The following MYO1H variants were observed in gnomAD, a reference collection of about 807,000 sequenced individuals.
The protein encoded by MYO1H is myosin IH, also known as unconventional myosin-Ih.
Under a neutral mutation model 149.3 loss-of-function variants are expected in MYO1H, and 118 were observed. The ratio of observed to expected loss-of-function variants is 0.79; its 90% CI spans 0.68 to 0.92. The LOEUF (loss-of-function observed/expected upper bound fraction) is 0.92. MYO1H is among the 40% of genes least tolerant of loss of function. The pLI, the probability that MYO1H is intolerant of heterozygous loss-of-function variation, is 0.00. For missense variants in MYO1H, 1,212 were observed against 1,280.7 expected (o/e 0.95, Z 0.82); for synonymous variants, 447 against 465.2 (o/e 0.96, Z 0.50).
chr12:109,419,974 T>G (rs1320916379), intron 15 of MYO1H, among the ~76,000 whole-genome samples: 1 of 152,214 alleles, frequency 6.6e-6, no homozygotes, highest in Admixed American at 6.5e-5. Context: ...AAGCCAAGTT[T>G]TAAACCTGGA....
chr12:109,425,915 GTTCTCTCTCTCT>G lies in MYO1H; in HGVS notation c.1726-18_1726-7del, dbSNP rs748008852. ...GGAAGCAGCAGTATCTCTCTGGCTC[GTTCTCTCTCTCT>G]TTCTCTCTCTCTCTGCAGGTGGGGA... is the stretch of plus-strand genomic sequence containing the variant. On this transcript the variant is annotated intron_variant, in intron 17 of 31. Transcript: ENST00000310903. The G allele has an allele frequency of 4.4e-6, 6 of 1,357,200 alleles. No homozygotes were observed. The highest frequency in any genetic ancestry group is 1.2e-5 in the South Asian group (1 of 83,426). The allele number at this position is 1,357,200 out of a possible 1,614,324, so 84.1% of individuals were successfully genotyped here.
At chr12:109,333,707 C>T in the MYO1H span, among the ~76,000 whole-genome samples, 4 of 152,162 alleles carry the variant, frequency 2.6e-5, no homozygotes, top group African/African-American at 9.7e-5. Context: ...AAGCAATACA[C>T]ACCCAAGCAT....
the MYO1H span, among the ~76,000 whole-genome samples, chr12:109,316,222 C>T: frequency 1.3e-5 from 2 of 152,128 alleles, no homozygotes; most frequent in East Asian, 1.9e-4. Context: ...TTAAATAGTT[C>T]ATTGCTCAAC....
chr12:109,346,529 G>A (rs574025241), upstream of MYO1H, among the ~76,000 whole-genome samples: 2 of 152,358 alleles, frequency 1.3e-5, no homozygotes, highest in African/African-American at 4.8e-5. Flanking sequence ...GGGAGGCTGA[G>A]GCAGGTGGAT....
At chr12:109,417,734 G>T (rs1226964452) in intron 15 of MYO1H, among the ~76,000 whole-genome samples, 1 of 152,200 alleles carries the variant, frequency 6.6e-6, no homozygotes, top group African/African-American at 2.4e-5. Flanking sequence ...GTTTTCACGT[G>T]CTTATTGGCT....
At chr12:109,318,613 T>A in the MYO1H span, among the ~76,000 whole-genome samples, 17 of 152,070 alleles carry the variant, frequency 1.1e-4, no homozygotes, top group Non-Finnish European at 2.5e-4. Context: ...AGTCAACTCA[T>A]GAGGAAAAAC....
In MYO1H at chr12:109,369,043, A is replaced by G. The variant is rs1213537226; in HGVS notation, c.13-19640A>G. Among the ~76,000 whole-genome samples the G allele has an allele frequency of 2.0e-5, 3 of 151,758 alleles. No homozygotes were observed. In the South Asian group the frequency reaches 6.2e-4, roughly 31 times the overall value. On this transcript the variant is annotated intron_variant, in intron 1 of 31. Transcript: ENST00000310903. ...ACTGTTGTCACCCAGGCTGGAGTGT[A>G]GTGGTGTGATCTCGGCTCACTGCAA...
chr12:109,446,499 C>T (rs1352431463), intron 31 of MYO1H: 2 of 983,374 alleles, frequency 2.0e-6, no homozygotes, highest in Non-Finnish European at 2.4e-6. Context: ...CGCGGTGGCT[C>T]ACGCCTATAA....
At chr12:109,406,689 C>T (rs1026254945) in intron 8 of MYO1H, 100 bp from the exon 9 acceptor site, 5 of 1,118,324 alleles carry the variant, frequency 4.5e-6, no homozygotes, top group Non-Finnish European at 6.7e-6. Context: ...CCACCACATT[C>T]CCACCTGGGT....
intron 1 of MYO1H, among the ~76,000 whole-genome samples, chr12:109,352,731 G>A (rs1311176884): frequency 1.3e-5 from 2 of 152,130 alleles, no homozygotes; most frequent in Non-Finnish European, 1.5e-5. Context: ...AACCACTAAT[G>A]TATCTTATTT....
upstream of MYO1H, among the ~76,000 whole-genome samples, chr12:109,345,577 T>C (rs116172184): frequency 7.3e-3 from 1,106 of 152,018 alleles, 11 homozygotes; most frequent in African/African-American, 0.025. Context: ...AAACATAGAG[T>C]TAACACGTAA....
chr12:109,337,210 T>G, the MYO1H span, among the ~76,000 whole-genome samples: 1 of 152,140 alleles, frequency 6.6e-6, no homozygotes, highest in African/African-American at 2.4e-5. Flanking sequence ...CCAGAGAGGT[T>G]TTTTTCCCCT....
intron 15 of MYO1H, among the ~76,000 whole-genome samples, chr12:109,416,624 A>T (rs954279301): frequency 6.6e-6 from 1 of 152,126 alleles, no homozygotes; most frequent in African/African-American, 2.4e-5. Flanking sequence ...ATATGTCGGT[A>T]TGAGTTTCAG....
chr12:109,321,629 C>T, the MYO1H span, among the ~76,000 whole-genome samples: 1 of 152,244 alleles, frequency 6.6e-6, no homozygotes, highest in Admixed American at 6.5e-5. Context: ...TATGACTGGA[C>T]CATTTCCAGA....
intron 16 of MYO1H, among the ~76,000 whole-genome samples, chr12:109,421,881 A>C (rs1347733974): frequency 6.6e-6 from 1 of 152,154 alleles, no homozygotes. Flanking sequence ...GCTGGAGTGC[A>C]GTGACGTCAT....
rs374486610 is a variant in MYO1H at position 109,446,011 on chromosome 12, G to A, written c.3093+399G>A. On this transcript the variant is annotated intron_variant, in intron 31 of 31. Transcript: ENST00000310903. ...CTGAGACTTAATTGGTTGGAGGTGCGGCTTAGGCTTCAGGATGCAAGAAAA... is the reference window on the plus strand; with the variant it reads ...CTGAGACTTAATTGGTTGGAGGTGCAGCTTAGGCTTCAGGATGCAAGAAAA... 3.0e-5 allele frequency: 30 copies of A among 985,210 alleles called. No individual in the cohort carries two copies. In the East Asian group the frequency reaches 1.1e-3, roughly 37 times the overall value. The allele number at this position is 985,210 out of a possible 1,614,324, so 61.0% of individuals were successfully genotyped here.
intron 2 of MYO1H, 83 bp downstream of exon 2, chr12:109,388,927 G>A (rs1056161727): frequency 4.8e-6 from 7 of 1,463,178 alleles, no homozygotes; most frequent in East Asian, 4.6e-5. Flanking sequence ...GTGAATAATA[G>A]CACTCTATTA....
intron 28 of MYO1H, 41 bp downstream of exon 28, chr12:109,443,690 C>T (rs754577378): frequency 2.5e-6 from 4 of 1,607,976 alleles, no homozygotes; most frequent in African/African-American, 1.3e-5. Context: ...ACTGAGTTGA[C>T]TCAACTACTG....
chr12:109,428,901 A>G (rs947507877), intron 19 of MYO1H, among the ~76,000 whole-genome samples: 7 of 152,046 alleles, frequency 4.6e-5, no homozygotes, highest in Middle Eastern at 3.4e-3. Context: ...AGGCTCATTC[A>G]TTCTTTCCAT....
Sources: gnomAD v4.1 joint callset for allele counts (sites outside exome capture counted in the v4.1 genomes callset) on GRCh38, gnomAD v4.1.1 for gene constraint, MANE v1.5 for transcripts, NCBI Gene and HGNC (gene_info 2026-07-23, HGNC 2026-07-21) for gene names.